The following PSG9 variants were observed in gnomAD, a reference collection of about 807,000 sequenced individuals.
The protein encoded by PSG9 is pregnancy specific beta-1-glycoprotein 9, also known as pregnancy-specific beta-1-glycoprotein 9.
Under a neutral mutation model 41.9 loss-of-function variants are expected in PSG9, and 49 were observed. That is an observed-to-expected ratio of 1.17 (90% CI 0.93 to 1.48). PSG9 has a LOEUF of 1.48. Ranked by LOEUF, PSG9 falls within the 40% of genes most tolerant of loss-of-function variation. PSG9 has a pLI of 0.00. For synonymous variants in PSG9, 263 were observed against 196.8 expected (o/e 1.34, Z -2.82); for missense variants, 641 against 520.3 (o/e 1.23, Z -2.26).
At chr19:43,259,867 C>T (rs1369503236) in intron 3 of PSG9, 1 of 147,042 alleles carries the variant, frequency 6.8e-6, no homozygotes, top group Non-Finnish European at 1.5e-5. Flanking sequence ...TGTTCTCTGT[C>T]CTGGGTTCTT....
chr19:43,264,602 C>G (rs150535546), intron 2 of PSG9, among the ~76,000 whole-genome samples: 5 of 152,060 alleles, frequency 3.3e-5, no homozygotes, highest in African/African-American at 9.7e-5. Context: ...GGACTACAGG[C>G]GCCCACCACC....
intron 1 of PSG9, among the ~76,000 whole-genome samples, chr19:43,268,435 C>T (rs572621587): frequency 2.4e-4 from 36 of 152,236 alleles, no homozygotes; most frequent in South Asian, 4.1e-4. Context: ...GGGGTCCACA[C>T]GGCCCCCTCC....
intron 3 of PSG9, chr19:43,260,569 A>G (rs575455916): frequency 6.8e-6 from 1 of 146,020 alleles, no homozygotes; most frequent in African/African-American, 2.6e-5. Context: ...TGCTGCACTC[A>G]TATATTTTTT....
rs1010804272 is a variant in PSG9 at position 43,258,208 on chromosome 19, C to T, written c.1237G>A (p.Val413Ile). 4 of 1,592,710 alleles carry T rather than the reference C, an allele frequency of 2.5e-6. No individual in the cohort carries two copies. Among genetic ancestry groups the T allele is most frequent in the Middle Eastern group, 1.7e-4 (1 of 5,938 alleles). Residue 413 changes from valine to isoleucine, a missense_variant, in exon 5 of 6, where the codon GTC becomes ATC. Transcript: ENST00000270077. ...GATGCTGGGATCCACTTACCAGAGA[C>T]TTTGACTGTCATGGATTTGGAGATT... is the stretch of plus-strand genomic sequence containing the variant. ...KEISKSMTVK[V>I]SGPCHGDLTE... is the part of the protein sequence containing the mutation.
Position 43,267,771 on chromosome 19 carries a change from T to C in PSG9, c.430+13A>G, listed in dbSNP as rs773419157. 1.1e-5 allele frequency: 18 copies of C among 1,612,478 alleles called. No individual in the cohort carries two copies. Among genetic ancestry groups the C allele is most frequent in the Admixed American group, 3.3e-5 (2 of 59,938 alleles). ...TTCCCCCCAACACCCAGGGATCATG[T>C]GGAATCACTCACAGTATAAGGTGAA... On this transcript the variant is annotated intron_variant, in intron 2 of 5. Coordinates refer to ENST00000270077, the MANE Select transcript of PSG9 (RefSeq NM_002784.5).
At chr19:43,261,832 G>C (rs1414426485) in intron 3 of PSG9, 28 bp downstream of exon 3, 8 of 1,614,080 alleles carry the variant, frequency 5.0e-6, no homozygotes, top group Non-Finnish European at 6.8e-6. Context: ...ATGGCAGCCT[G>C]GCTCACAGAG....
intron 5 of PSG9, 108 bp downstream of exon 5, chr19:43,258,094 T>A (rs1403982986): frequency 6.3e-7 from 1 of 1,589,774 alleles, no homozygotes; most frequent in Non-Finnish European, 8.5e-7. Context: ...GATTTGCTTG[T>A]GCCCATGGGA....
Position 43,269,466 on chromosome 19 carries a change from A to C in PSG9, c.-35T>G, listed in dbSNP as rs373194039. ...TGCCTGTGTGTTCTCCTCTGTGGAG[A>C]TGAGCCTGGGATCCAGAAGCTGTCT... On this transcript the variant is annotated 5_prime_UTR_variant, in exon 1 of 6. Transcript: ENST00000270077. The C allele has an allele frequency of 7.4e-5, 119 of 1,612,034 alleles. 1 individual carries two copies. Among genetic ancestry groups the C allele is most frequent in the South Asian group, 1.5e-4 (14 of 90,980 alleles).
rs147360212 is a variant in PSG9 at position 43,266,446 on chromosome 19, G to A, written c.430+1338C>T. 6.7e-3 allele frequency among the ~76,000 whole-genome samples: 1,020 copies of A among 152,026 alleles called. 19 individuals carry two copies. The highest frequency in any genetic ancestry group is 0.023 in the African/African-American group (941 of 41,386). On this transcript the variant is annotated intron_variant, in intron 2 of 5. Coordinates refer to ENST00000270077, the MANE Select transcript of PSG9 (RefSeq NM_002784.5). The stretch of plus-strand genomic sequence containing the variant: ...GAGAGCTCCTGAGTGTGTGTCTCTC[G>A]CTGGGCCTGTGCTGGTGTAGGGTGT...
intron 2 of PSG9, among the ~76,000 whole-genome samples, chr19:43,262,671 C>T (rs1968782017): frequency 6.6e-6 from 1 of 152,118 alleles, no homozygotes; most frequent in Admixed American, 6.5e-5. Context: ...CAGGGGAGAC[C>T]AGAGTCAAGC....
rs749615341 is a variant in PSG9 at position 43,257,933 on chromosome 19, G to C, written c.1243+269C>G. Reference sequence around the variant, plus strand: ...AGGACTCTCCTTCTTGTCCCTCTCTGAAGCCTCTTCTACCACATAGGGCTC... The same window carrying C: ...AGGACTCTCCTTCTTGTCCCTCTCTCAAGCCTCTTCTACCACATAGGGCTC... On this transcript the variant is annotated intron_variant, in intron 5 of 5. Coordinates refer to ENST00000270077, the MANE Select transcript of PSG9 (RefSeq NM_002784.5). The C allele has an allele frequency of 6.3e-6, 9 of 1,420,450 alleles. 1 individual carries two copies. The East Asian group carries it at 2.8e-4, about 43-fold the overall frequency. 88.0% of individuals were successfully genotyped at this position (1,420,450 alleles called of 1,614,324 possible). A position where few individuals can be genotyped will look rare whatever the true frequency, so the allele number is the denominator to read the frequency against.
rs1364434348 is a variant in PSG9 at position 43,262,151 on chromosome 19, C to G, written c.431-13G>C. The G allele has an allele frequency of 1.9e-6, 3 of 1,608,636 alleles. No individual in the cohort carries two copies. Among genetic ancestry groups the G allele is most frequent in the Admixed American group, 3.4e-5 (2 of 59,666 alleles). ...TTGGGAGTCTCCACTGTGCAGAAAA[C>G]AGAGAGAAGATTGCCCTGTGTGGCA... On this transcript the variant is annotated splice_polypyrimidine_tract_variant and intron_variant, in intron 2 of 5. Coordinates refer to ENST00000270077, the MANE Select transcript of PSG9 (RefSeq NM_002784.5).
intron 5 of PSG9, chr19:43,257,280 G>A (rs1968475024): frequency 1.3e-6 from 1 of 772,492 alleles, no homozygotes; most frequent in Non-Finnish European, 1.5e-6. Flanking sequence ...ATAGTGTGAT[G>A]GTTACACAAC....
At chr19:43,266,125 C>T (rs1472488958) in intron 2 of PSG9, among the ~76,000 whole-genome samples, 1 of 151,836 alleles carries the variant, frequency 6.6e-6, no homozygotes, top group Non-Finnish European at 1.5e-5. Context: ...GACACCATGG[C>T]AGTGAGCAGT....
chr19:43,268,502 C>G (rs1345689512), intron 1 of PSG9, among the ~76,000 whole-genome samples: 4 of 152,072 alleles, frequency 2.6e-5, no homozygotes, highest in Admixed American at 6.5e-5. Context: ...TTCCTGACAC[C>G]TCCTTCAGAG....
At chr19:43,262,635 G>GACT (rs1968780282) in intron 2 of PSG9, among the ~76,000 whole-genome samples, 1 of 152,166 alleles carries the variant, frequency 6.6e-6, no homozygotes, top group African/African-American at 2.4e-5. Context: ...CCTGGTCTGG[G>GACT]ACTGGGTACT....
intron 2 of PSG9, among the ~76,000 whole-genome samples, chr19:43,264,963 G>A (rs1968899120): frequency 6.6e-6 from 1 of 152,124 alleles, no homozygotes; most frequent in South Asian, 2.1e-4. Flanking sequence ...TTTGGGGACT[G>A]CAGGCCTCTC....
At chr19:43,265,122 T>A (rs1221890770) in intron 2 of PSG9, among the ~76,000 whole-genome samples, 1 of 152,134 alleles carries the variant, frequency 6.6e-6, no homozygotes, top group African/African-American at 2.4e-5. Context: ...GAATTTATTT[T>A]ATGGTTTAAC....
rs891628853 is a variant in PSG9 at position 43,255,200 on chromosome 19, T to G, written c.1244-1554A>C. On this transcript the variant is annotated intron_variant, in intron 5 of 5. Coordinates refer to ENST00000270077, the MANE Select transcript of PSG9 (RefSeq NM_002784.5). ...GATGAAAGTACTATAAATAATTGTA[T>G]GCCAATAAATTGGATAACCTAGATG... Among the ~76,000 whole-genome samples the G allele has an allele frequency of 2.1e-5, 3 of 145,796 alleles. 1 individual carries two copies. Among genetic ancestry groups the G allele is most frequent in the Admixed American group, 1.4e-4 (2 of 14,632 alleles).
Sources: allele counts gnomAD v4.1 joint callset (sites outside exome capture counted in the v4.1 genomes callset), GRCh38; gene constraint gnomAD v4.1.1; transcripts MANE v1.5; gene names NCBI Gene and HGNC (gene_info 2026-07-23, HGNC 2026-07-21).